Variants in DLGAP1 observed in about 807,000 individuals in gnomAD.
DLGAP1 encodes disks large-associated protein 1.
A neutral mutation model predicts 90.8 loss-of-function variants in DLGAP1; 11 were observed. The observed-to-expected ratio is 0.12, with a 90% CI of 0.08 to 0.20. The LOEUF (loss-of-function observed/expected upper bound fraction) is 0.20, where lower values mean the gene tolerates loss of function less well. Among genes scored for constraint, DLGAP1 ranks in the 10% least tolerant of loss-of-function variants. The pLI is 1.00. For synonymous variants in DLGAP1, 558 were observed against 540.7 expected (o/e 1.03, Z -0.44); for missense variants, 1,050 against 1,333.8 (o/e 0.79, Z 3.31).
chr18:4,101,558 A>C (rs73943815), intron 2 of DLGAP1, among the ~76,000 whole-genome samples: 3,106 of 152,268 alleles, frequency 0.02, 85 homozygotes, highest in African/African-American at 0.06. Flanking sequence ...ATAGACTCGC[A>C]TAACGCAGGG....
chr18:3,967,890 C>T (rs2073363166), intron 3 of DLGAP1, among the ~76,000 whole-genome samples: 1 of 152,132 alleles, frequency 6.6e-6, no homozygotes, highest in African/African-American at 2.4e-5. Flanking sequence ...ATGTGTGCCT[C>T]TCAGCTGCAC....
chr18:4,086,616 TG>T (rs1454176282), intron 2 of DLGAP1, among the ~76,000 whole-genome samples: 2 of 152,216 alleles, frequency 1.3e-5, no homozygotes, highest in Admixed American at 6.5e-5. Flanking sequence ...TTTCTGTTTT[TG>T]TTTTTTTAAT....
chr18:4,117,790 T>G (rs1238782621), intron 2 of DLGAP1, among the ~76,000 whole-genome samples: 4 of 152,192 alleles, frequency 2.6e-5, no homozygotes, highest in Non-Finnish European at 5.9e-5. Context: ...CAGCATGGTT[T>G]TTCTTCTTAA....
intron 7 of DLGAP1, among the ~76,000 whole-genome samples, chr18:3,588,789 A>AG (rs2056061603): frequency 6.6e-6 from 1 of 151,520 alleles, no homozygotes; most frequent in East Asian, 1.9e-4. Context: ...CAAAAAAAAA[A>AG]AAAAGAAAAA....
chr18:4,053,017 C>A (rs2143117528), intron 2 of DLGAP1, among the ~76,000 whole-genome samples: 1 of 152,270 alleles, frequency 6.6e-6, no homozygotes, highest in African/African-American at 2.4e-5. Context: ...TCCAAACTTT[C>A]CCACATTTTC....
At chr18:3,635,432 C>A (rs574350214) in intron 7 of DLGAP1, among the ~76,000 whole-genome samples, 2 of 151,574 alleles carry the variant, frequency 1.3e-5, no homozygotes, top group Non-Finnish European at 2.9e-5. Context: ...AGCCACCGCG[C>A]CCGGCCTGTC....
At chr18:3,519,920 C>T (rs1032714320) in intron 10 of DLGAP1, among the ~76,000 whole-genome samples, 1 of 152,074 alleles carries the variant, frequency 6.6e-6, no homozygotes, top group Non-Finnish European at 1.5e-5. Flanking sequence ...GGACAAATAC[C>T]TAAAGCATGT....
intron 1 of DLGAP1, among the ~76,000 whole-genome samples, chr18:4,322,075 CA>C (rs1209989390): frequency 2.6e-5 from 4 of 151,962 alleles, no homozygotes; most frequent in Non-Finnish European, 5.9e-5. Flanking sequence ...TGGGGGGAAC[CA>C]GTAATCCCAG....
rs1455081987 is a variant in DLGAP1 at position 4,342,559 on chromosome 18, G to T, written c.-267+112447C>A. 6.6e-6 allele frequency among the ~76,000 whole-genome samples: 1 copy of T among 152,036 alleles called. No homozygotes were observed. The highest frequency in any genetic ancestry group is 2.4e-5 in the African/African-American group (1 of 41,404). ...TGCATTTACTTGTAAATGCTTTGATGAAATAATTTAATTACATCATTCTTT... is the reference window on the plus strand; with the variant it reads ...TGCATTTACTTGTAAATGCTTTGATTAAATAATTTAATTACATCATTCTTT... On this transcript the variant is annotated intron_variant, in intron 1 of 12. Coordinates refer to ENST00000315677, the MANE Select transcript of DLGAP1 (RefSeq NM_004746.4). This position sits in a 1 kb window ranked among gnomAD's most constrained non-coding sequence, Gnocchi z 5.8.
intron 9 of DLGAP1, among the ~76,000 whole-genome samples, chr18:3,560,234 C>T (rs922638025): frequency 6.6e-6 from 1 of 151,480 alleles, no homozygotes; most frequent in African/African-American, 2.4e-5. Flanking sequence ...TCCTGGCCAG[C>T]ACAGTGAAAC....
At chr18:3,674,362 T>C (rs1028132884) in intron 7 of DLGAP1, among the ~76,000 whole-genome samples, 2 of 150,654 alleles carry the variant, frequency 1.3e-5, no homozygotes, top group African/African-American at 2.4e-5. Context: ...CTCATGCCTA[T>C]AATTCCAGCA....
chr18:3,736,629 T>C (rs918174), intron 6 of DLGAP1, among the ~76,000 whole-genome samples: 45,641 of 152,122 alleles, frequency 0.3, 7,090 homozygotes, highest in Middle Eastern at 0.44. Context: ...CTAGGGTATA[T>C]ACAGTAGCAT....
intron 1 of DLGAP1, among the ~76,000 whole-genome samples, chr18:4,206,670 T>C (rs74791478): frequency 0.013 from 1,978 of 152,314 alleles, 47 homozygotes; most frequent in African/African-American, 0.046. Flanking sequence ...ATTTCCTCCT[T>C]CTTTATGCCC....
chr18:4,171,307 A>C (rs1255755409), intron 1 of DLGAP1, among the ~76,000 whole-genome samples: 2 of 152,094 alleles, frequency 1.3e-5, no homozygotes, highest in Admixed American at 6.6e-5. Context: ...AGGCCACGGC[A>C]GGCAGATCAC....
At chr18:3,826,334 C>T (rs1048752656) in intron 4 of DLGAP1, among the ~76,000 whole-genome samples, 1 of 151,922 alleles carries the variant, frequency 6.6e-6, no homozygotes. Context: ...ATAAAATGGG[C>T]AAAATGTATG....
rs999223192 is a variant in DLGAP1, at chr18:3,834,263, G to A, written c.958-19990C>T. Among the ~76,000 whole-genome samples the A allele has an allele frequency of 7.4e-4, 96 of 129,802 alleles. 1 individual carries two copies. Among genetic ancestry groups the A allele is most frequent in the African/African-American group, 2.7e-3 (91 of 33,282 alleles). 85.2% of individuals were successfully genotyped at this position (129,802 alleles called of 152,430 possible). A position where few individuals can be genotyped will look rare whatever the true frequency, so the allele number is the denominator to read the frequency against. The stretch of plus-strand genomic sequence containing the variant: ...GGAGCTTGCAGTGAGCCGAGATCGC[G>A]CCACTGCACTCCAGCCTGGGAGATA... On this transcript the variant is annotated intron_variant, in intron 4 of 12. Coordinates refer to ENST00000315677, the MANE Select transcript of DLGAP1 (RefSeq NM_004746.4).
At chr18:4,099,700 T>C (rs941217509) in intron 2 of DLGAP1, among the ~76,000 whole-genome samples, 1 of 150,724 alleles carries the variant, frequency 6.6e-6, no homozygotes, top group African/African-American at 2.4e-5. Context: ...TTTCTTTTTT[T>C]ACTTTTTTTT....
intron 4 of DLGAP1, chr18:3,874,819 TC>T: frequency 7.3e-7 from 1 of 1,361,988 alleles, no homozygotes. Flanking sequence ...AAAAAAGGAG[TC>T]CCTTTTTTTA....
intron 12 of DLGAP1, 43 bp downstream of exon 12, chr18:3,502,450 T>C (rs2143626221): frequency 5.0e-6 from 8 of 1,613,152 alleles, no homozygotes; most frequent in Non-Finnish European, 6.8e-6. Flanking sequence ...CCAGTGTTTG[T>C]GCAGGTTTTT....
Sources: allele counts gnomAD v4.1 joint callset (sites outside exome capture counted in the v4.1 genomes callset), GRCh38; gene constraint gnomAD v4.1.1; non-coding constraint Gnocchi (gnomAD v3.1); transcripts MANE v1.5; gene names NCBI Gene and HGNC (gene_info 2026-07-23, HGNC 2026-07-21).